CUZD1: variants seen among roughly 807,000 people sequenced by gnomAD.
CUZD1 encodes CUB and zona pellucida-like domain-containing protein 1.
CUZD1 carries 42 observed loss-of-function variants against 53.1 expected under a neutral mutation model. That is an observed-to-expected ratio of 0.79 (90% CI 0.62 to 1.02). The LOEUF (loss-of-function observed/expected upper bound fraction) is 1.02, where lower values mean the gene tolerates loss of function less well. CUZD1 is among the 50% of genes least tolerant of loss of function. CUZD1 has a pLI of 0.00. For missense variants in CUZD1, 670 were observed against 715.7 expected (o/e 0.94, Z 0.73); for synonymous variants, 238 against 257.2 (o/e 0.93, Z 0.71).
At chr10:122,837,678 G>T in intron 3 of CUZD1, 124 bp from the exon 4 acceptor site, 2 of 934,494 alleles carry the variant, frequency 2.1e-6, no homozygotes, top group East Asian at 2.9e-5. Context: ...CTTTCCCATG[G>T]GTCACATATT....
At chr10:122,844,414 C>T (rs1292120304) in intron 1 of CUZD1, among the ~76,000 whole-genome samples, 1 of 151,764 alleles carries the variant, frequency 6.6e-6, no homozygotes, top group Non-Finnish European at 1.5e-5. Context: ...TGTGTATATA[C>T]TAAAAAACAC....
chr10:122,840,063 G>A (rs972903609), intron 2 of CUZD1, among the ~76,000 whole-genome samples: 6 of 152,176 alleles, frequency 3.9e-5, no homozygotes, highest in East Asian at 1.9e-4. Flanking sequence ...TTAATTTCTC[G>A]CCTCCCTTGC....
chr10:122,844,521 A>AG (rs1264893439), intron 1 of CUZD1, among the ~76,000 whole-genome samples: 1 of 152,130 alleles, frequency 6.6e-6, no homozygotes, highest in Non-Finnish European at 1.5e-5. Context: ...GAAAGAGAAA[A>AG]GGGGAAGAGG....
rs1006274972 is a variant in CUZD1 at position 122,836,083 on chromosome 10, C to T, written c.990+95G>A. 1.3e-5 allele frequency: 15 copies of T among 1,173,900 alleles called. No homozygotes were observed. The African/African-American group carries it at 1.4e-4, about 11-fold the overall frequency. The allele number at this position is 1,173,900 out of a possible 1,614,324, so 72.7% of individuals were successfully genotyped here. A position where few individuals can be genotyped will look rare whatever the true frequency, so the allele number is the denominator to read the frequency against. ...GGTTAAGCCACTAAAATTTGGGGGT[C>T]GTTTGTTACAGCAGCTAGCAAGCAT... On this transcript the variant is annotated intron_variant, in intron 6 of 8. Transcript: ENST00000392790.
chr10:122,843,810 C>T (rs867704154), intron 1 of CUZD1, among the ~76,000 whole-genome samples: 27 of 137,364 alleles, frequency 2.0e-4, no homozygotes, highest in African/African-American at 5.2e-4. Context: ...TATATACATA[C>T]ATATATATAT....
At chr10:122,838,971 G>A in intron 3 of CUZD1, 46 bp downstream of exon 3, 1 of 1,418,308 alleles carries the variant, frequency 7.1e-7, no homozygotes, top group South Asian at 1.2e-5. Flanking sequence ...TGTGTAACCT[G>A]TGCTTGTAGG....
Position 122,837,557 on chromosome 10 carries a change from G to A in CUZD1, c.449-3C>T, listed in dbSNP as rs773013378. Reference sequence around the variant, plus strand: ...GTAACCGCCACAGTTTGGAATAGCTGAAATGGATGTGAAGGTGGTCAAGAA... The same window carrying A: ...GTAACCGCCACAGTTTGGAATAGCTAAAATGGATGTGAAGGTGGTCAAGAA... On this transcript the variant is annotated splice_region_variant and splice_polypyrimidine_tract_variant and intron_variant, in intron 3 of 8. Transcript: ENST00000392790. 4 of 1,557,008 alleles carry A rather than the reference G, an allele frequency of 2.6e-6. No homozygotes were observed. Among genetic ancestry groups the A allele is most frequent in the Non-Finnish European group, 3.5e-6 (4 of 1,157,000 alleles).
chr10:122,832,298 G>A lies in CUZD1; in HGVS notation c.1804C>T (p.Gln602Ter), dbSNP rs753711457. The change falls in exon 9 of 9, where the codon CAG becomes TAG. Residue 602 changes from glutamine (Q) to a stop codon, truncating the protein, a stop_gained. Transcript: ENST00000392790. LOFTEE classifies it high-confidence loss of function. ...GTTAGTTAATAGTTCTGCAGCTTCT[G>A]GTATTTGTAGTCTGCCCGTTGATTT... ...FVNQRADYKY[Q>*]KLQNY 2 of 1,613,986 alleles carry A rather than the reference G, an allele frequency of 1.2e-6. No homozygotes were observed. Among genetic ancestry groups the A allele is most frequent in the Non-Finnish European group, 1.7e-6 (2 of 1,179,932 alleles).
chr10:122,832,289 G>A lies in CUZD1; in HGVS notation c.1813C>T (p.Gln605Ter). Reference sequence around the variant, plus strand: ...GTTGGACCTGTTAGTTAATAGTTCTGCAGCTTCTGGTATTTGTAGTCTGCC... The same window carrying A: ...GTTGGACCTGTTAGTTAATAGTTCTACAGCTTCTGGTATTTGTAGTCTGCC... ...QRADYKYQKL[Q>*]NY The change falls in exon 9 of 9, where the codon CAG (glutamine) becomes TAG (stop). Residue 605 changes from glutamine to a stop codon, truncating the protein, a stop_gained. Transcript: ENST00000392790. LOFTEE classifies it high-confidence loss of function. The A allele has an allele frequency of 1.9e-6, 3 of 1,614,028 alleles. No individual in the cohort carries two copies. The highest frequency in any genetic ancestry group is 2.5e-6 in the Non-Finnish European group (3 of 1,179,928).
Position 122,834,726 on chromosome 10 carries a change from G to A in CUZD1, c.1362C>T (p.Thr454=). 6.2e-7 allele frequency: 1 copy of A among 1,608,492 alleles called. No individual in the cohort carries two copies. ...CATACCCACTCTTGATTAGGTCGTAGGTTGGAGATGCAAAGTCAGAGGTGG... is the reference window on the plus strand; with the variant it reads ...CATACCCACTCTTGATTAGGTCGTAAGTTGGAGATGCAAAGTCAGAGGTGG... The part of the protein sequence containing the change: ...ASPTSDFASP[T]YDLIKSGCSR... Residue 454 remains threonine, a synonymous_variant, in exon 7 of 9, where the codon ACC becomes ACT. Transcript: ENST00000392790.
chr10:122,834,897 C>T lies in CUZD1; in HGVS notation c.1191G>A (p.Met397Ile), dbSNP rs1322786665. 9 of 1,613,484 alleles carry T rather than the reference C, an allele frequency of 5.6e-6. No individual in the cohort carries two copies. Among genetic ancestry groups the T allele is most frequent in the Non-Finnish European group, 7.6e-6 (9 of 1,179,602 alleles). ...QNALGKYNTS[M>I]ALFESNSFEK... Reference sequence around the variant, plus strand: ...CAAATGAATTGGATTCAAAAAGAGCCATGCTGGTGTTATATTTGCCCAGTG... The same window carrying T: ...CAAATGAATTGGATTCAAAAAGAGCTATGCTGGTGTTATATTTGCCCAGTG... Residue 397 changes from methionine to isoleucine, a missense_variant, in exon 7 of 9, where the codon ATG becomes ATA. By Grantham distance (10) the Met-to-Ile change is conservative (BLOSUM62 1). Coordinates refer to ENST00000392790, the MANE Select transcript of CUZD1 (RefSeq NM_022034.6).
Position 122,845,818 on chromosome 10 carries a change from G to A in CUZD1, c.26C>T (p.Pro9Leu). The A allele has an allele frequency of 1.5e-5, 24 of 1,614,052 alleles. No homozygotes were observed. Among genetic ancestry groups the A allele is most frequent in the Non-Finnish European group, 2.0e-5 (24 of 1,179,990 alleles). Reference sequence around the variant, plus strand: ...ACAGGAGAGAATTAAGAGGGTCAATGGCATGAGCCTTCTTACAAGCTCCAT... The same window carrying A: ...ACAGGAGAGAATTAAGAGGGTCAATAGCATGAGCCTTCTTACAAGCTCCAT... The part of the protein sequence containing the change: MELVRRLM[P>L]LTLLILSCLA... The change falls in exon 1 of 9, where the codon CCA becomes CTA. Residue 9 changes from proline (P) to leucine (L), a missense_variant. Coordinates refer to ENST00000392790, the MANE Select transcript of CUZD1 (RefSeq NM_022034.6).
At chr10:122,844,157 T>C (rs1384928514) in intron 1 of CUZD1, among the ~76,000 whole-genome samples, 1 of 151,414 alleles carries the variant, frequency 6.6e-6, no homozygotes, top group Non-Finnish European at 1.5e-5. Context: ...GCCGCCAGAG[T>C]AGCTGGGACT....
At position 122,839,108 on chromosome 10, in the gene CUZD1, T is replaced by A. The variant is rs746886583; in HGVS notation, c.357A>T (p.Ser119=). 3 of 1,614,144 alleles carry A rather than the reference T, an allele frequency of 1.9e-6. No homozygotes were observed. Among genetic ancestry groups the A allele is most frequent in the Non-Finnish European group, 2.5e-6 (3 of 1,179,966 alleles). ...KNDYVPVFES[S]SSTLTFQIVT... ...CTATTTGAAACGTCAATGTACTGGATGATGATTCAAATACAGGAACATAGT... is the reference window on the plus strand; with the variant it reads ...CTATTTGAAACGTCAATGTACTGGAAGATGATTCAAATACAGGAACATAGT... Residue 119 remains serine (S), a synonymous_variant, in exon 3 of 9, where the codon TCA becomes TCT. Transcript: ENST00000392790.
Position 122,837,066 on chromosome 10 carries a change from C to A in CUZD1, c.600-18G>T. The A allele has an allele frequency of 6.5e-7, 1 of 1,542,990 alleles. No homozygotes were observed. Among genetic ancestry groups the A allele is most frequent in the South Asian group, 1.1e-5 (1 of 87,702 alleles). ...TTTCTAGGCTAGAGAATGAGGGCCT[C>A]TGGTGAAAAAGAGTTTCAAACCAAT... On this transcript the variant is annotated intron_variant, in intron 4 of 8. Coordinates refer to ENST00000392790, the MANE Select transcript of CUZD1 (RefSeq NM_022034.6).
chr10:122,840,161 C>T (rs908421547), intron 2 of CUZD1, among the ~76,000 whole-genome samples: 5 of 152,214 alleles, frequency 3.3e-5, no homozygotes, highest in Non-Finnish European at 5.9e-5. Context: ...AATTTGAGGC[C>T]TCTTTTGCTT....
chr10:122,844,510 A>G (rs996484523), intron 1 of CUZD1, among the ~76,000 whole-genome samples: 2 of 152,164 alleles, frequency 1.3e-5, no homozygotes, highest in African/African-American at 4.8e-5. Flanking sequence ...AAAGAAGAGA[A>G]GAAAGAGAAA....
chr10:122,841,800 T>C (rs1847349485), intron 1 of CUZD1, among the ~76,000 whole-genome samples: 1 of 152,214 alleles, frequency 6.6e-6, no homozygotes, highest in African/African-American at 2.4e-5. Flanking sequence ...TTGTATTGCT[T>C]TGTATAGCCA....
rs1589665040 is a variant in CUZD1 at position 122,845,342 on chromosome 10, T to C, written c.82+420A>G. On this transcript the variant is annotated intron_variant, in intron 1 of 8. Coordinates refer to ENST00000392790, the MANE Select transcript of CUZD1 (RefSeq NM_022034.6). ...CACCCACCTTGGCCTCCCAAAGTGCTGGGATTACAGGCGTGAGCCACCGCC... is the reference window on the plus strand; with the variant it reads ...CACCCACCTTGGCCTCCCAAAGTGCCGGGATTACAGGCGTGAGCCACCGCC... Among the ~76,000 whole-genome samples the C allele has an allele frequency of 2.0e-5, 3 of 152,334 alleles. No homozygotes were observed. The South Asian group carries it at 6.2e-4, about 32-fold the overall frequency.
Sources: gnomAD v4.1 joint callset for allele counts (sites outside exome capture counted in the v4.1 genomes callset) on GRCh38, gnomAD v4.1.1 for gene constraint, MANE v1.5 for transcripts, NCBI Gene and HGNC (gene_info 2026-07-23, HGNC 2026-07-21) for gene names.